The following NCS1 variants were observed in gnomAD, a reference collection of about 807,000 sequenced individuals.
NCS1 encodes the protein neuronal calcium sensor 1, also known as frequenin homolog.
A neutral mutation model predicts 28.4 loss-of-function variants in NCS1; 6 were observed. The ratio of observed to expected loss-of-function variants is 0.21; its 90% CI spans 0.12 to 0.42. The LOEUF (loss-of-function observed/expected upper bound fraction) is 0.42, where lower values mean the gene tolerates loss of function less well. Ranked by LOEUF, NCS1 falls within the 10% of genes least tolerant of loss-of-function variation. The pLI, the probability that NCS1 is intolerant of heterozygous loss-of-function variation, is 1.00. For synonymous variants in NCS1, 86 were observed against 99.3 expected, an observed-to-expected ratio of 0.87 and a Z score of 0.79; for missense variants, 131 against 241.4, an observed-to-expected ratio of 0.54 and a Z score of 3.03.
chr9:130,207,760 G>C (rs1358333691), intron 2 of NCS1, among the ~76,000 whole-genome samples: 1 of 152,226 alleles, frequency 6.6e-6, no homozygotes, highest in African/African-American at 2.4e-5. Context: ...TGCTCACCCT[G>C]CACCAGGCTC....
Position 130,175,941 on chromosome 9 carries a change from G to A in NCS1, c.64+3214G>A, listed in dbSNP as rs1307845567. Among the ~76,000 whole-genome samples, 6 of 152,138 alleles carry A rather than the reference G, an allele frequency of 3.9e-5. No individual in the cohort carries two copies. The highest frequency in any genetic ancestry group is 1.4e-4 in the African/African-American group (6 of 41,408). ...GGCTGTTGGCTTCCCCGTGTGTCCCGGCTGTGGGATGGGCCGGTCCCCTCA... is the reference window on the plus strand; with the variant it reads ...GGCTGTTGGCTTCCCCGTGTGTCCCAGCTGTGGGATGGGCCGGTCCCCTCA... On this transcript the variant is annotated intron_variant, in intron 1 of 7. Coordinates refer to ENST00000372398, the MANE Select transcript of NCS1 (RefSeq NM_014286.4). The surrounding 1 kb of genome is among the most constrained non-coding windows in gnomAD (Gnocchi z 4.9).
chr9:130,173,919 C>T (rs1397962120), intron 1 of NCS1, among the ~76,000 whole-genome samples: 1 of 152,228 alleles, frequency 6.6e-6, no homozygotes, highest in African/African-American at 2.4e-5. Context: ...ACCCCTCATG[C>T]TTGGAACAAA....
In NCS1 at chr9:130,227,045, GA is replaced by G. The variant is rs1332392681; in HGVS notation, c.*17+554del. 2.2e-3 allele frequency among the ~76,000 whole-genome samples: 279 copies of G among 126,576 alleles called. 1 individual carries two copies. Among genetic ancestry groups the G allele is most frequent in the Admixed American group, 5.4e-3 (68 of 12,534 alleles). 83.0% of individuals were successfully genotyped at this position (126,576 alleles called of 152,430 possible). A position where few individuals can be genotyped will look rare whatever the true frequency, so the allele number is the denominator to read the frequency against. On this transcript the variant is annotated intron_variant, in intron 7 of 7. Coordinates refer to ENST00000372398, the MANE Select transcript of NCS1 (RefSeq NM_014286.4). Reference sequence around the variant, plus strand: ...CTCAAAAAAAAAAAAAAAAAGAAAAGAAAAAAAAAAAAAGAAAAGAATTGTC... The same window carrying G: ...CTCAAAAAAAAAAAAAAAAAGAAAAGAAAAAAAAAAAAGAAAAGAATTGTC...
At chr9:130,184,510 C>T (rs78524283) in intron 1 of NCS1, among the ~76,000 whole-genome samples, 5,217 of 152,252 alleles carry the variant, frequency 0.034, 279 homozygotes, top group African/African-American at 0.12. Flanking sequence ...GATGCATCCC[C>T]GCGCCTTCAC....
At position 130,219,419 on chromosome 9, in the gene NCS1, ATTGG is replaced by A. The variant is rs1833237811; in HGVS notation, c.229-304_229-301del. ...GGCTGTTGCTGAGAGGAGCTCAGGC[ATTGG>A]TGCTTCTGGCACCTTCTCCCATCAA... is the stretch of plus-strand genomic sequence containing the variant. On this transcript the variant is annotated intron_variant, in intron 3 of 7. Coordinates refer to ENST00000372398, the MANE Select transcript of NCS1 (RefSeq NM_014286.4). This position sits in a 1 kb window ranked among gnomAD's most constrained non-coding sequence, Gnocchi z 5.7. Among the ~76,000 whole-genome samples, 5 of 152,286 alleles carry A rather than the reference ATTGG, an allele frequency of 3.3e-5. No homozygotes were observed. In the South Asian group the frequency reaches 1.0e-3, roughly 32 times the overall value.
At position 130,172,761 on chromosome 9, in the gene NCS1, G is replaced by C. The variant is rs367875944; in HGVS notation, c.64+34G>C. ...TCCCAGCCCCCAGCCCGCGCCCCGC[G>C]GTCACCCCCACACCCACCGCCCCCG... On this transcript the variant is annotated intron_variant, in intron 1 of 7. Transcript: ENST00000372398. 594 of 1,280,950 alleles carry C rather than the reference G, an allele frequency of 4.6e-4. 5 individuals carry two copies. Among genetic ancestry groups the C allele is most frequent in the Admixed American group, 1.2e-3 (48 of 39,552 alleles). 79.3% of individuals were successfully genotyped at this position (1,280,950 alleles called of 1,614,324 possible). A position where few individuals can be genotyped will look rare whatever the true frequency, so the allele number is the denominator to read the frequency against.
At position 130,222,096 on chromosome 9, in the gene NCS1, G is replaced by GTGTGTATATATATATACGTATATATATA. The variant is rs1564714037; in HGVS notation, c.308-522_308-495dup. Among the ~76,000 whole-genome samples the GTGTGTATATATATATACGTATATATATA allele has an allele frequency of 2.3e-4, 15 of 64,720 alleles. 1 individual carries two copies. The highest frequency in any genetic ancestry group is 5.9e-4 in the African/African-American group (11 of 18,628). 42.5% of individuals were successfully genotyped at this position (64,720 alleles called of 152,430 possible). A position where few individuals can be genotyped will look rare whatever the true frequency, so the allele number is the denominator to read the frequency against. ...TGTATCTATAAATATATATATGTGT[G>GTGTGTATATATATATACGTATATATATA]TGTGTATATATATATACGTATATAT... On this transcript the variant is annotated intron_variant, in intron 4 of 7. Transcript: ENST00000372398.
intron 1 of NCS1, among the ~76,000 whole-genome samples, chr9:130,187,281 G>A (rs1011324546): frequency 6.6e-6 from 1 of 152,114 alleles, no homozygotes; most frequent in African/African-American, 2.4e-5. Flanking sequence ...GTGCCTCTCT[G>A]TGCCCCGTCG....
chr9:130,206,087 T>C (rs1554908046), intron 2 of NCS1, among the ~76,000 whole-genome samples: 1 of 152,184 alleles, frequency 6.6e-6, no homozygotes, highest in Non-Finnish European at 1.5e-5. Context: ...CACTCTGCCC[T>C]CCTGTGCCCA....
At chr9:130,227,498 G>A (rs1200071577) in intron 7 of NCS1, among the ~76,000 whole-genome samples, 1 of 152,216 alleles carries the variant, frequency 6.6e-6, no homozygotes, top group African/African-American at 2.4e-5. Context: ...AAGTGGTTGT[G>A]CTGTTTTGCG....
chr9:130,205,565 C>T lies in NCS1; in HGVS notation c.89+4583C>T, dbSNP rs555193268. 2.2e-3 allele frequency among the ~76,000 whole-genome samples: 322 copies of T among 143,764 alleles called. 1 individual carries two copies. Among genetic ancestry groups the T allele is most frequent in the South Asian group, 7.3e-3 (33 of 4,504 alleles). The allele number at this position is 143,764 out of a possible 152,430, so 94.3% of individuals were successfully genotyped here. A position where few individuals can be genotyped will look rare whatever the true frequency, so the allele number is the denominator to read the frequency against. On this transcript the variant is annotated intron_variant, in intron 2 of 7. Coordinates refer to ENST00000372398, the MANE Select transcript of NCS1 (RefSeq NM_014286.4). ...AAAAAAAAAAAAAAAAGCCTGGGCA[C>T]GGTGGCCCACACGTGTAATCCCAGC...
At position 130,209,909 on chromosome 9, in the gene NCS1, C is replaced by A. The variant is rs1449048448; in HGVS notation, c.90-7923C>A. 6.6e-6 allele frequency among the ~76,000 whole-genome samples: 1 copy of A among 152,042 alleles called. No homozygotes were observed. The highest frequency in any genetic ancestry group is 1.9e-4 in the East Asian group (1 of 5,178). ...CCCGTTCTTCACAGCCTGGGCCTGC[C>A]TCTGAGGTCTGGCACCATGGCTCTT... On this transcript the variant is annotated intron_variant, in intron 2 of 7. Coordinates refer to ENST00000372398, the MANE Select transcript of NCS1 (RefSeq NM_014286.4). The surrounding 1 kb of genome is among the most constrained non-coding windows in gnomAD (Gnocchi z 4.4).
chr9:130,179,896 A>G (rs540698968), intron 1 of NCS1, among the ~76,000 whole-genome samples: 2 of 152,342 alleles, frequency 1.3e-5, no homozygotes, highest in East Asian at 3.9e-4. Context: ...TCACACAGCA[A>G]ATATGTGGCA....
At chr9:130,188,423 CT>C (rs34686734) in intron 1 of NCS1, among the ~76,000 whole-genome samples, 33,092 of 138,036 alleles carry the variant, frequency 0.24, 3,544 homozygotes, top group Admixed American at 0.29. Context: ...CTGAACTTTC[CT>C]TTTTTTTTTT....
chr9:130,181,976 A>C lies in NCS1; in HGVS notation c.64+9249A>C, dbSNP rs181686646. ...GCACAGACAGGCCGGGAGCCGCGCCAAAGGCTGGGAGCTCAGCTGCCAGGT... is the reference window on the plus strand; with the variant it reads ...GCACAGACAGGCCGGGAGCCGCGCCCAAGGCTGGGAGCTCAGCTGCCAGGT... On this transcript the variant is annotated intron_variant, in intron 1 of 7. Coordinates refer to ENST00000372398, the MANE Select transcript of NCS1 (RefSeq NM_014286.4). This position sits in a 1 kb window ranked among gnomAD's most constrained non-coding sequence, Gnocchi z 5.0. Among the ~76,000 whole-genome samples, 1 of 152,114 alleles carries C rather than the reference A, an allele frequency of 6.6e-6. No homozygotes were observed. The highest frequency in any genetic ancestry group is 6.5e-5 in the Admixed American group (1 of 15,284).
chr9:130,202,354 A>ACCCCCCCCG (rs1832961839), intron 2 of NCS1, among the ~76,000 whole-genome samples: 1 of 113,338 alleles, frequency 8.8e-6, no homozygotes, highest in Non-Finnish European at 1.8e-5. Context: ...CCTCCCCCCC[A>ACCCCCCCCG]CCCCCTGAAA....
rs1020745137 is a variant in NCS1 at position 130,215,837 on chromosome 9, G to C, written c.90-1995G>C. 3.9e-5 allele frequency among the ~76,000 whole-genome samples: 6 copies of C among 152,136 alleles called. No homozygotes were observed. ...AGGGCTGGCCTATTCACAGCCTCCT[G>C]CTTGCTGTGGGCACTGCTGGGACGG... On this transcript the variant is annotated intron_variant, in intron 2 of 7. Coordinates refer to ENST00000372398, the MANE Select transcript of NCS1 (RefSeq NM_014286.4). The surrounding 1 kb of genome is among the most constrained non-coding windows in gnomAD (Gnocchi z 4.2).
At position 130,177,454 on chromosome 9, in the gene NCS1, GGA is replaced by G. The variant is rs147408906; in HGVS notation, c.64+4731_64+4732del. On this transcript the variant is annotated intron_variant, in intron 1 of 7. Transcript: ENST00000372398. This position sits in a 1 kb window ranked among gnomAD's most constrained non-coding sequence, Gnocchi z 4.4. ...CAGCCAGGCACAGGGTGAGCCACAA[GGA>G]GAGGAAAGGACCAAAGCAAGGGAGG... 0.015 allele frequency among the ~76,000 whole-genome samples: 2,308 copies of G among 152,292 alleles called. 28 individuals carry two copies. Among genetic ancestry groups the G allele is most frequent in the Non-Finnish European group, 0.018 (1,213 of 68,012 alleles).
At chr9:130,228,718 G>C (rs1554911749) in intron 7 of NCS1, among the ~76,000 whole-genome samples, 1 of 150,038 alleles carries the variant, frequency 6.7e-6, no homozygotes, top group African/African-American at 2.5e-5. Flanking sequence ...CTAGGCTGGA[G>C]TGCAGTGACA....
Sources: allele counts gnomAD v4.1 joint callset (sites outside exome capture counted in the v4.1 genomes callset), GRCh38; gene constraint gnomAD v4.1.1; non-coding constraint Gnocchi (gnomAD v3.1); transcripts MANE v1.5; gene names NCBI Gene and HGNC (gene_info 2026-07-23, HGNC 2026-07-21).